The following SLC44A5 variants were observed in gnomAD, a reference collection of about 807,000 sequenced individuals.
The protein encoded by SLC44A5 is choline transporter-like protein 5.
SLC44A5 carries 57 observed loss-of-function variants against 101.8 expected under a neutral mutation model. That is an observed-to-expected ratio of 0.56 (90% confidence interval 0.45 to 0.70). SLC44A5 has a LOEUF of 0.70. Ranked by LOEUF, SLC44A5 falls within the 30% of genes least tolerant of loss-of-function variation. The pLI is 0.00. For synonymous variants in SLC44A5, 281 were observed against 290.9 expected, an observed-to-expected ratio of 0.97 and a Z score of 0.35; for missense variants, 737 against 853.1, an observed-to-expected ratio of 0.86 and a Z score of 1.70.
chr1:75,270,901 T>G (rs1651412379), intron 6 of SLC44A5, among the ~76,000 whole-genome samples: 1 of 152,168 alleles, frequency 6.6e-6, no homozygotes, highest in Non-Finnish European at 1.5e-5. Context: ...CATTGGCTTA[T>G]GTCTGGAAAA....
chr1:75,493,806 C>T (rs1034951781), intron 2 of SLC44A5, among the ~76,000 whole-genome samples: 3 of 152,166 alleles, frequency 2.0e-5, no homozygotes, highest in African/African-American at 4.8e-5. Context: ...TAAACAACTA[C>T]ACATGGATCA....
At chr1:75,681,775 A>C in the SLC44A5 span, among the ~76,000 whole-genome samples, 1 of 151,284 alleles carries the variant, frequency 6.6e-6, no homozygotes, top group Non-Finnish European at 1.5e-5. Flanking sequence ...AGGCAGGAGA[A>C]GGAAATAAAG....
At chr1:75,338,419 G>A (rs1657614615) in intron 4 of SLC44A5, among the ~76,000 whole-genome samples, 1 of 152,146 alleles carries the variant, frequency 6.6e-6, no homozygotes, top group Non-Finnish European at 1.5e-5. Flanking sequence ...CTTTCTAAAT[G>A]TGTCAGCCTA....
At chr1:75,386,327 A>G (rs1661343158) in intron 3 of SLC44A5, among the ~76,000 whole-genome samples, 1 of 152,198 alleles carries the variant, frequency 6.6e-6, no homozygotes, top group Non-Finnish European at 1.5e-5. Context: ...CTCAGCCGAA[A>G]ATCTCCTTAA....
intron 1 of SLC44A5, among the ~76,000 whole-genome samples, chr1:75,600,728 T>C (rs571072344): frequency 6.6e-5 from 10 of 152,284 alleles, no homozygotes; most frequent in African/African-American, 2.4e-4. Flanking sequence ...TGTGTTATGA[T>C]TGTCTAGAGT....
At chr1:75,497,097 T>G (rs1474387299) in intron 2 of SLC44A5, among the ~76,000 whole-genome samples, 1 of 152,120 alleles carries the variant, frequency 6.6e-6, no homozygotes, top group Non-Finnish European at 1.5e-5. Flanking sequence ...TTAAAGGAAG[T>G]ACTGCTATAT....
intron 2 of SLC44A5, among the ~76,000 whole-genome samples, chr1:75,429,641 G>A (rs557920296): frequency 8.3e-4 from 126 of 152,188 alleles, no homozygotes; most frequent in Non-Finnish European, 1.3e-3. Context: ...ATCTGCTTCT[G>A]GTGAGAGCCC....
At chr1:75,451,939 C>T (rs1319790208) in intron 2 of SLC44A5, among the ~76,000 whole-genome samples, 3 of 152,014 alleles carry the variant, frequency 2.0e-5, no homozygotes, top group African/African-American at 7.2e-5. Flanking sequence ...TGATCTTAGC[C>T]AAAAGGCCAA....
chr1:75,481,330 GGACATA>G (rs1214876937), intron 2 of SLC44A5, among the ~76,000 whole-genome samples: 1 of 152,144 alleles, frequency 6.6e-6, no homozygotes, highest in African/African-American at 2.4e-5. Context: ...TTACCATTCA[GGACATA>G]GGCATGGGCA....
intron 2 of SLC44A5, among the ~76,000 whole-genome samples, chr1:75,451,491 AC>A (rs910500328): frequency 6.6e-6 from 1 of 152,158 alleles, no homozygotes; most frequent in Non-Finnish European, 1.5e-5. Context: ...AGGAAAATGA[AC>A]AAAAAAATAA....
intron 2 of SLC44A5, among the ~76,000 whole-genome samples, chr1:75,498,717 A>T (rs1668797654): frequency 6.6e-6 from 1 of 152,220 alleles, no homozygotes; most frequent in African/African-American, 2.4e-5. Flanking sequence ...TTAAATCAGC[A>T]GGCATGTAAA....
chr1:75,338,609 T>A (rs1657627439), intron 4 of SLC44A5, among the ~76,000 whole-genome samples: 1 of 152,228 alleles, frequency 6.6e-6, no homozygotes, highest in South Asian at 2.1e-4. Flanking sequence ...TTCATGGTGT[T>A]ACCATGGAGA....
Position 75,211,540 on chromosome 1 carries a change from CA to C in SLC44A5, c.1974del (p.Phe658LeufsTer5). On this transcript the variant is annotated frameshift_variant, in exon 23 of 24. Coordinates refer to ENST00000370859, the MANE Select transcript of SLC44A5 (RefSeq NM_001130058.2). LOFTEE classifies it high-confidence loss of function. The stretch of plus-strand genomic sequence containing the variant: ...AACCCATGTGCAATCAGGTAAGACC[CA>C]AAAATGACTGTCTGTAAATGGATGA... ...YYWVPLLTVIFGSYLIAHGFF... is the reference protein window; with the variant it reads ...YYWVPLLTVIXGSYLIAHGFF... 1 of 1,611,224 alleles carries C rather than the reference CA, an allele frequency of 6.2e-7. No homozygotes were observed. The highest frequency in any genetic ancestry group is 8.5e-7 in the Non-Finnish European group (1 of 1,178,100).
the SLC44A5 span, among the ~76,000 whole-genome samples, chr1:75,642,774 A>G: frequency 6.6e-6 from 1 of 152,136 alleles, no homozygotes; most frequent in East Asian, 1.9e-4. Flanking sequence ...GCAGAAAAAT[A>G]TAAGTAGTTA....
chr1:75,484,865 A>C (rs776775404), intron 2 of SLC44A5, among the ~76,000 whole-genome samples: 4 of 152,228 alleles, frequency 2.6e-5, no homozygotes, highest in African/African-American at 4.8e-5. Flanking sequence ...GCACCTTCTG[A>C]AGCAACAGCC....
At chr1:75,636,631 T>C in the SLC44A5 span, among the ~76,000 whole-genome samples, 1 of 152,152 alleles carries the variant, frequency 6.6e-6, no homozygotes, top group Non-Finnish European at 1.5e-5. Context: ...GCTGATGTAG[T>C]TCTTGTTTTT....
Position 75,217,920 on chromosome 1 carries a change from C to G in SLC44A5, c.1570G>C (p.Ala524Pro). The G allele has an allele frequency of 1.2e-6, 2 of 1,605,736 alleles. No individual in the cohort carries two copies. ...GSLAFGSLII[A>P]LIQMFKIVLE... ...ACAATTTTAAACATTTGAATTAATG[C>G]AATAATTAAAGATCCAAATGCTAGG... The change falls in exon 18 of 24, where the codon GCA becomes CCA. Residue 524 changes from alanine to proline, a missense_variant. Ala to Pro is a conservative substitution (Grantham distance 27). This residue lies in a region of SLC44A5 where 665 missense variants were observed against 764.4 expected (regional missense o/e 0.87). Transcript: ENST00000370859.
intron 1 of SLC44A5, among the ~76,000 whole-genome samples, chr1:75,564,590 C>T (rs12729926): frequency 9.5e-5 from 2 of 20,964 alleles, no homozygotes; most frequent in African/African-American, 3.1e-4. Context: ...TATTTATTTA[C>T]TTTTTTTTTA....
intron 2 of SLC44A5, among the ~76,000 whole-genome samples, chr1:75,496,038 C>T (rs1040141403): frequency 2.6e-5 from 4 of 151,848 alleles, no homozygotes; most frequent in Non-Finnish European, 5.9e-5. Flanking sequence ...AATACTAGAT[C>T]TCATTCATCC....
Sources: allele counts gnomAD v4.1 joint callset (sites outside exome capture counted in the v4.1 genomes callset), GRCh38; gene constraint gnomAD v4.1.1; regional missense constraint gnomAD v4.1.1; transcripts MANE v1.5; gene names NCBI Gene and HGNC (gene_info 2026-07-23, HGNC 2026-07-21).